PSMG2: variants seen among roughly 807,000 people sequenced by gnomAD.
PSMG2 encodes the protein proteasome assembly chaperone 2.
Under a neutral mutation model 31.5 loss-of-function variants are expected in PSMG2, and 21 were observed. That is an observed-to-expected ratio of 0.67 (90% confidence interval 0.47 to 0.96). The LOEUF (loss-of-function observed/expected upper bound fraction) is 0.96. Ranked by LOEUF, PSMG2 falls within the 40% of genes least tolerant of loss-of-function variation. The pLI is 0.00. For missense variants in PSMG2, 318 were observed against 321.2 expected (o/e 0.99, Z 0.08); for synonymous variants, 120 against 110.4 (o/e 1.09, Z -0.54).
chr18:12,681,341 G>A (rs921004073), intron 1 of PSMG2, among the ~76,000 whole-genome samples: 1 of 148,792 alleles, frequency 6.7e-6, no homozygotes, highest in Non-Finnish European at 1.5e-5. Context: ...TGACCTCCTG[G>A]GCTTAAGTGA....
chr18:12,702,491 T>C (rs1233895072), upstream of PSMG2: 1 of 1,608,854 alleles, frequency 6.2e-7, no homozygotes, highest in East Asian at 2.2e-5. Context: ...CTCACCTTGC[T>C]CAGCTGCTGG....
chr18:12,661,152 AC>A (rs1427305072), intron 1 of PSMG2, among the ~76,000 whole-genome samples: 1 of 151,876 alleles, frequency 6.6e-6, no homozygotes, highest in Non-Finnish European at 1.5e-5. Context: ...TACTAAAAAT[AC>A]AAAAATTAGC....
chr18:12,696,082 G>A (rs952731464), intron 1 of PSMG2, among the ~76,000 whole-genome samples: 3 of 152,088 alleles, frequency 2.0e-5, no homozygotes, highest in Non-Finnish European at 2.9e-5. Context: ...TCACTGCTAC[G>A]ATTATCATGT....
At chr18:12,706,952 CT>C (rs111502634) in intron 2 of PSMG2, among the ~76,000 whole-genome samples, 57,839 of 148,900 alleles carry the variant, frequency 0.39, 11,531 homozygotes, top group Non-Finnish European at 0.46. Flanking sequence ...ATACTTGTAT[CT>C]TTTTTTTTTT....
intron 2 of PSMG2, among the ~76,000 whole-genome samples, chr18:12,708,560 C>T (rs1194270931): frequency 6.6e-6 from 1 of 151,204 alleles, no homozygotes; most frequent in African/African-American, 2.4e-5. Flanking sequence ...GACGGAGTTT[C>T]TCCATGTTGG....
chr18:12,688,853 G>A (rs549621998), intron 1 of PSMG2, among the ~76,000 whole-genome samples: 71 of 152,258 alleles, frequency 4.7e-4, no homozygotes, highest in Admixed American at 1.4e-3. Context: ...GGTGGCTCAC[G>A]CCTATGATCC....
chr18:12,666,642 G>T (rs1224973253), intron 1 of PSMG2, among the ~76,000 whole-genome samples: 1 of 150,942 alleles, frequency 6.6e-6, no homozygotes, highest in Non-Finnish European at 1.5e-5. Flanking sequence ...TAGAGACAGG[G>T]TTTCGCCACA....
At chr18:12,681,213 AT>A (rs1366432534) in intron 1 of PSMG2, among the ~76,000 whole-genome samples, 1 of 150,496 alleles carries the variant, frequency 6.6e-6, no homozygotes, top group East Asian at 1.9e-4. Flanking sequence ...AAAAAAAAAA[AT>A]GTTTATAAAG....
chr18:12,702,013 G>C (rs2040170535), upstream of PSMG2, among the ~76,000 whole-genome samples: 1 of 152,174 alleles, frequency 6.6e-6, no homozygotes, highest in African/African-American at 2.4e-5. Context: ...TGTAATCCCA[G>C]CTACTCGGGA....
chr18:12,674,637 T>C (rs1458387999), intron 1 of PSMG2: 2 of 1,614,006 alleles, frequency 1.2e-6, no homozygotes, highest in Non-Finnish European at 1.7e-6. Flanking sequence ...TTATGGCATC[T>C]TGAAATTCTT....
At chr18:12,702,926 G>A, upstream of PSMG2, 5 of 649,316 alleles carry the variant, frequency 7.7e-6, no homozygotes, top group Non-Finnish European at 1.2e-5. Context: ...CGGCCACCCG[G>A]CGGCCTCTTT....
intron 1 of PSMG2, among the ~76,000 whole-genome samples, chr18:12,672,237 C>G (rs1267319286): frequency 6.6e-6 from 1 of 151,814 alleles, no homozygotes; most frequent in Non-Finnish European, 1.5e-5. Flanking sequence ...GCCTCAGCCT[C>G]CTGAGTAGCT....
Position 12,706,695 on chromosome 18 carries a change from C to T in PSMG2, c.203C>T (p.Ser68Leu). ...CCATATGCGACCACAGAAGGAAATT[C>T]AACAGAACTTAGCATAAATGCTGAA... ...NNPYATTEGN[S>L]TELSINAEVY... The change falls in exon 2 of 7, where the codon TCA (serine) becomes TTA (leucine). Residue 68 changes from serine (S) to leucine (L), a missense_variant. By Grantham distance (145) the Ser-to-Leu change is moderately radical. Coordinates refer to ENST00000317615, the MANE Select transcript of PSMG2 (RefSeq NM_020232.5). 6.2e-7 allele frequency: 1 copy of T among 1,609,636 alleles called. No homozygotes were observed. Among genetic ancestry groups the T allele is most frequent in the Non-Finnish European group, 8.5e-7 (1 of 1,176,792 alleles).
In PSMG2 at chr18:12,664,632, G is replaced by A. The variant is rs144575842; in HGVS notation, c.-37+5859G>A. 4.6e-3 allele frequency among the ~76,000 whole-genome samples: 704 copies of A among 151,794 alleles called. 4 individuals are homozygous for A. Among genetic ancestry groups the A allele is most frequent in the African/African-American group, 0.016 (666 of 41,422 alleles). Reference sequence around the variant, plus strand: ...ATTCCTGGGCTCAAGGGATCCTCCCGCCTTGGCCTCCCAAAGTGCTGGGAT... The same window carrying A: ...ATTCCTGGGCTCAAGGGATCCTCCCACCTTGGCCTCCCAAAGTGCTGGGAT... On this transcript the variant is annotated intron_variant, in intron 1 of 6. Transcript: ENST00000585331.
upstream of PSMG2, chr18:12,702,520 TCGGAGGCTTTCTC>T (rs765642100): frequency 1.9e-6 from 3 of 1,609,110 alleles, no homozygotes; most frequent in Non-Finnish European, 2.5e-6. Flanking sequence ...CTGCTTCAGC[TCGGAGGCTTTCTC>T]CGGAGGCAGC....
chr18:12,682,669 C>T (rs1288023124), intron 1 of PSMG2, among the ~76,000 whole-genome samples: 2 of 152,076 alleles, frequency 1.3e-5, no homozygotes, highest in Non-Finnish European at 2.9e-5. Flanking sequence ...CGCTCTGTCA[C>T]CCAGGCTGGA....
intron 2 of PSMG2, among the ~76,000 whole-genome samples, 156 bp from the exon 3 acceptor site, chr18:12,712,546 G>T (rs573503933): frequency 2.0e-4 from 30 of 152,184 alleles, no homozygotes; most frequent in Admixed American, 9.8e-4. Context: ...CTTCTAAAAG[G>T]TCTTATTTTA....
chr18:12,694,121 C>T (rs2039866408), intron 1 of PSMG2, among the ~76,000 whole-genome samples: 1 of 152,146 alleles, frequency 6.6e-6, no homozygotes, highest in Non-Finnish European at 1.5e-5. Context: ...ATTTGAGTAA[C>T]ATCAAAGTTG....
chr18:12,699,749 G>A, upstream of PSMG2: 1 of 762,768 alleles, frequency 1.3e-6, no homozygotes, highest in Non-Finnish European at 2.0e-6. Flanking sequence ...AAATGGAAAT[G>A]TCTTCTATCA....
Sources: allele counts gnomAD v4.1 joint callset (sites outside exome capture counted in the v4.1 genomes callset), GRCh38; gene constraint gnomAD v4.1.1; transcripts MANE v1.5; gene names NCBI Gene and HGNC (gene_info 2026-07-23, HGNC 2026-07-21).